SOX6: variants seen among roughly 807,000 people sequenced by gnomAD.
SOX6 encodes SRY-box transcription factor 6.
In SOX6, 11 loss-of-function variants were observed where a neutral mutation model predicts 97.8. The observed-to-expected ratio is 0.11, with a 90% CI of 0.07 to 0.19. The LOEUF (loss-of-function observed/expected upper bound fraction) is 0.19. SOX6 is among the 10% of genes least tolerant of loss of function. The pLI, the probability that SOX6 is intolerant of heterozygous loss-of-function variation, is 1.00. For missense variants in SOX6, 810 were observed against 1,039.5 expected, an observed-to-expected ratio of 0.78 and a Z score of 3.04; for synonymous variants, 360 against 371.4, an observed-to-expected ratio of 0.97 and a Z score of 0.35.
Position 16,341,175 on chromosome 11 carries a change from G to T in SOX6, c.74C>A (p.Thr25Asn), listed in dbSNP as rs781393047. 10 of 1,613,378 alleles carry T rather than the reference G, an allele frequency of 6.2e-6. No individual in the cohort carries two copies. The African/African-American group carries it at 1.3e-4, about 22-fold the overall frequency. ...DGEDAMTQDL[T>N]SREKEEGSDQ... The stretch of plus-strand genomic sequence containing the variant: ...ACTGCCCTCTTCCTTTTCCCTTGAG[G>T]TTAAATCCTGGGTCATTGCATCCTC... The change falls in exon 2 of 16, where the codon ACC becomes AAC. Residue 25 changes from threonine (T) to asparagine (N), a missense_variant. Physicochemically the swap from Thr to Asn is moderately conservative, Grantham distance 65. This residue lies in a region of SOX6 where 100 missense variants were observed against 94.6 expected (regional missense o/e 1.06). Transcript: ENST00000683767.
At chr11:16,478,412 A>C (rs1463583804), upstream of SOX6, among the ~76,000 whole-genome samples, 1 of 152,216 alleles carries the variant, frequency 6.6e-6, no homozygotes, top group African/African-American at 2.4e-5. Context: ...TAAGATCTCT[A>C]ACTCTAGAAA....
chr11:16,509,824 GT>G (rs1388853714), intron 4 of SOX6, among the ~76,000 whole-genome samples: 1 of 151,928 alleles, frequency 6.6e-6, no homozygotes, highest in African/African-American at 2.4e-5. Flanking sequence ...AAGTAAAATG[GT>G]TGCTATAAAA....
intron 3 of SOX6, among the ~76,000 whole-genome samples, chr11:16,642,181 G>T (rs906908359): frequency 2.6e-5 from 4 of 152,128 alleles, no homozygotes; most frequent in African/African-American, 7.2e-5. Flanking sequence ...AGTTTGGCTG[G>T]ATATGAAATT....
At chr11:16,539,855 G>C (rs755604000) in intron 4 of SOX6, among the ~76,000 whole-genome samples, 3 of 151,822 alleles carry the variant, frequency 2.0e-5, no homozygotes, top group Non-Finnish European at 4.4e-5. Flanking sequence ...AAAAAGTCCA[G>C]GCAAACGGAC....
chr11:16,710,749 T>G (rs1848173155), intron 3 of SOX6, among the ~76,000 whole-genome samples: 2 of 152,202 alleles, frequency 1.3e-5, no homozygotes, highest in Non-Finnish European at 1.5e-5. Flanking sequence ...TATTGATAAC[T>G]CCCAGATATA....
chr11:16,581,128 T>C (rs1470930154), intron 4 of SOX6, among the ~76,000 whole-genome samples: 1 of 152,140 alleles, frequency 6.6e-6, no homozygotes. Context: ...ATCATTCTAT[T>C]ATAAAAACGT....
rs1234898747 is a variant in SOX6, at chr11:16,015,169, G to A, written c.1624-119C>T. 1.5e-5 allele frequency: 13 copies of A among 850,426 alleles called. 1 individual carries two copies. The South Asian group carries it at 1.9e-4, about 12-fold the overall frequency. 52.7% of individuals were successfully genotyped at this position (850,426 alleles called of 1,614,324 possible). On this transcript the variant is annotated intron_variant, in intron 12 of 15. Transcript: ENST00000683767. ...TTCAAAAATATCATTTCTGACCAAT[G>A]TGGACTCTGAAAATCTTTCAGGAAG...
intron 3 of SOX6, among the ~76,000 whole-genome samples, chr11:16,261,504 C>A (rs1367518693): frequency 6.6e-6 from 1 of 151,770 alleles, no homozygotes; most frequent in East Asian, 1.9e-4. Flanking sequence ...AGTAGAGAGC[C>A]AAGTAAAAAC....
At chr11:16,297,662 G>T (rs1855137367) in intron 3 of SOX6, among the ~76,000 whole-genome samples, 1 of 152,134 alleles carries the variant, frequency 6.6e-6, no homozygotes, top group Non-Finnish European at 1.5e-5. Flanking sequence ...CTACTCTCTG[G>T]CTCTAGTCAC....
chr11:16,665,790 G>A (rs1224973417), intron 3 of SOX6, among the ~76,000 whole-genome samples: 1 of 152,180 alleles, frequency 6.6e-6, no homozygotes, highest in South Asian at 2.1e-4. Context: ...AGTGGTGGTG[G>A]CCACAGGGGT....
At chr11:16,260,555 C>G (rs1853856757) in intron 3 of SOX6, among the ~76,000 whole-genome samples, 1 of 152,068 alleles carries the variant, frequency 6.6e-6, no homozygotes, top group African/African-American at 2.4e-5. Context: ...AGGAACAAAA[C>G]TGAAATTATA....
chr11:16,197,979 T>C (rs1046382661), intron 4 of SOX6, among the ~76,000 whole-genome samples: 1 of 152,216 alleles, frequency 6.6e-6, no homozygotes, highest in African/African-American at 2.4e-5. Flanking sequence ...ATTCTCACAC[T>C]AGGACATTCG....
intron 4 of SOX6, among the ~76,000 whole-genome samples, chr11:16,563,600 C>T (rs577957032): frequency 2.6e-5 from 4 of 152,108 alleles, no homozygotes; most frequent in Admixed American, 1.3e-4. Context: ...GAAAATGAAC[C>T]GAATGTCAGG....
chr11:16,677,243 T>C (rs1847890432), intron 3 of SOX6, among the ~76,000 whole-genome samples: 1 of 152,220 alleles, frequency 6.6e-6, no homozygotes, highest in Non-Finnish European at 1.5e-5. Context: ...TGCTCCCACT[T>C]GTACTATGTA....
Position 16,729,722 on chromosome 11 carries a change from C to T in SOX6, n.353+6617G>A, listed in dbSNP as rs112449498. Among the ~76,000 whole-genome samples, 1,225 of 152,170 alleles carry T rather than the reference C, an allele frequency of 8.1e-3. 12 individuals carry two copies. Among genetic ancestry groups the T allele is most frequent in the African/African-American group, 0.028 (1,169 of 41,520 alleles). ...TCATAATGACAGGATCAAATTCACA[C>T]ATAATATTAACCTTAAATGTAAATG... On this transcript the variant is annotated intron_variant and non_coding_transcript_variant, in intron 2 of 5. Transcript: ENST00000524520.
intron 4 of SOX6, among the ~76,000 whole-genome samples, chr11:16,563,220 A>G (rs1343421970): frequency 6.6e-6 from 1 of 152,204 alleles, no homozygotes; most frequent in African/African-American, 2.4e-5. Flanking sequence ...TAGAAAACAT[A>G]AAGAAGAACC....
intron 13 of SOX6, among the ~76,000 whole-genome samples, chr11:16,006,314 G>A (rs1854553894): frequency 6.6e-6 from 1 of 152,030 alleles, no homozygotes; most frequent in Non-Finnish European, 1.5e-5. Context: ...AAAGGTTAAT[G>A]CATATTTATT....
chr11:16,499,182 A>G (rs1299674783), intron 4 of SOX6, among the ~76,000 whole-genome samples: 6 of 152,240 alleles, frequency 3.9e-5, no homozygotes, highest in African/African-American at 1.4e-4. Context: ...CCACATGGAA[A>G]CTGAACAACC....
At chr11:16,579,675 C>T (rs1048791658) in intron 4 of SOX6, among the ~76,000 whole-genome samples, 1 of 151,836 alleles carries the variant, frequency 6.6e-6, no homozygotes, top group African/African-American at 2.4e-5. Context: ...GTAAGTATAC[C>T]ACAATTAATG....
Sources: gnomAD v4.1 joint callset for allele counts (sites outside exome capture counted in the v4.1 genomes callset) on GRCh38, gnomAD v4.1.1 for gene constraint, gnomAD v4.1.1 regional missense constraint, MANE v1.5 for transcripts, NCBI Gene and HGNC (gene_info 2026-07-23, HGNC 2026-07-21) for gene names.